Variants in DMD observed in about 807,000 individuals in gnomAD.
The protein encoded by DMD is dystrophin.
Under a neutral mutation model 330.1 loss-of-function variants are expected in DMD, and 63 were observed. The ratio of observed to expected loss-of-function variants is 0.19; its 90% CI spans 0.16 to 0.24. The LOEUF is 0.24. Among genes scored for constraint, DMD ranks in the 10% least tolerant of loss-of-function variants. The pLI is 1.00. For missense variants in DMD, 3,344 were observed against 2,684.1 expected, an observed-to-expected ratio of 1.25 and a Z score of -5.43; for synonymous variants, 1,223 against 959.8, an observed-to-expected ratio of 1.27 and a Z score of -5.07.
intron 44 of DMD, among the ~76,000 whole-genome samples, chrX:32,207,170 T>C (rs1476901690): frequency 9.0e-6 from 1 of 111,642 alleles, no homozygotes; most frequent in Non-Finnish European, 1.9e-5. Flanking sequence ...TCAATGTTTT[T>C]CCCTCCAAAA....
chrX:32,402,656 A>G (rs142475055), intron 30 of DMD, among the ~76,000 whole-genome samples: 1,930 of 111,801 alleles, frequency 0.017, 47 homozygotes, highest in African/African-American at 0.06. Context: ...TAATACATAA[A>G]GAGGCTAAAA....
At chrX:31,413,329 G>C (rs2061725479) in intron 60 of DMD, among the ~76,000 whole-genome samples, 1 of 112,127 alleles carries the variant, frequency 8.9e-6, no homozygotes, top group African/African-American at 3.2e-5. Flanking sequence ...GCCTATATTT[G>C]TACAAAAGAC....
intron 1 of DMD, among the ~76,000 whole-genome samples, chrX:33,280,535 G>A (rs1327021595): frequency 9.0e-6 from 1 of 111,259 alleles, no homozygotes; most frequent in Non-Finnish European, 1.9e-5. Flanking sequence ...TTATTAAAAA[G>A]GCTAACCCTC....
At chrX:31,236,845 A>G (rs954503277) in intron 63 of DMD, among the ~76,000 whole-genome samples, 2 of 112,157 alleles carry the variant, frequency 1.8e-5, no homozygotes, top group African/African-American at 6.5e-5. Context: ...TGTTATTTAA[A>G]AAAATAGTTT....
At chrX:32,154,340 CTT>C (rs1428051574) in intron 44 of DMD, among the ~76,000 whole-genome samples, 2 of 112,193 alleles carry the variant, frequency 1.8e-5, no homozygotes, top group Non-Finnish European at 3.8e-5. Context: ...CACTTAATAA[CTT>C]TTAAAAATAT....
chrX:32,559,640 A>C (rs1055342921), intron 16 of DMD, among the ~76,000 whole-genome samples: 1 of 111,990 alleles, frequency 8.9e-6, no homozygotes, highest in Non-Finnish European at 1.9e-5. Context: ...GGGTTAAAAT[A>C]GAGGATCTTT....
chrX:32,445,265 T>C (rs1365357313), intron 27 of DMD, among the ~76,000 whole-genome samples: 2 of 110,471 alleles, frequency 1.8e-5, no homozygotes, highest in Non-Finnish European at 3.8e-5. Flanking sequence ...GTGGTGATAA[T>C]ATATAGAAGA....
chrX:31,321,607 A>AAAAAAAAAAAAAAAAAAAAAAAGAAAG (rs1388525572), intron 62 of DMD, among the ~76,000 whole-genome samples: 13 of 89,269 alleles, frequency 1.5e-4, no homozygotes, highest in African/African-American at 5.9e-4. Flanking sequence ...AAAAAAAAAA[A>AAAAAAAAAAAAAAAAAAAAAAAGAAAG]AAAGAAAGAA....
In DMD at chrX:33,298,718, T is replaced by G. The variant is rs142662152; in HGVS notation, c.7+40541A>C. Among the ~76,000 whole-genome samples the G allele has an allele frequency of 9.6e-4, 107 of 111,981 alleles. 2 individuals carry two copies. In the East Asian group the frequency reaches 0.029, roughly 30 times the overall value. ...TCAGGAAGATAAAACAGCCAACATT[T>G]TGAGTGTTGTTGGTCTCAGGAAGAT... On this transcript the variant is annotated intron_variant, in intron 1 of 17. Coordinates refer to the DMD transcript ENST00000288447.
chrX:31,936,203 A>G (rs1208660539), intron 45 of DMD, among the ~76,000 whole-genome samples: 1 of 111,486 alleles, frequency 9.0e-6, no homozygotes, highest in Non-Finnish European at 1.9e-5. Context: ...TAACCCTACA[A>G]TAAACACATT....
At chrX:32,483,515 A>C (rs1351747601) in intron 21 of DMD, among the ~76,000 whole-genome samples, 1 of 109,309 alleles carries the variant, frequency 9.1e-6, no homozygotes, top group East Asian at 2.9e-4. Flanking sequence ...AATATGATTA[A>C]GAGGTATATA....
At chrX:32,388,218 T>A (rs977030011) in intron 32 of DMD, among the ~76,000 whole-genome samples, 1 of 110,925 alleles carries the variant, frequency 9.0e-6, no homozygotes, top group East Asian at 2.8e-4. Flanking sequence ...TGTTTTCAGC[T>A]CATATTTACT....
intron 66 of DMD, among the ~76,000 whole-genome samples, chrX:31,206,339 G>A (rs149888158): frequency 8.9e-6 from 1 of 112,361 alleles, no homozygotes; most frequent in African/African-American, 3.2e-5. Flanking sequence ...TTCAGACACA[G>A]TCAATGTAAT....
chrX:32,678,059 C>A (rs1291341381), intron 9 of DMD, among the ~76,000 whole-genome samples: 1 of 111,632 alleles, frequency 9.0e-6, no homozygotes, highest in East Asian at 2.8e-4. Flanking sequence ...TTGCCAAACT[C>A]AGAGAATCAG....
At chrX:33,095,243 C>T (rs1490694179) in intron 1 of DMD, among the ~76,000 whole-genome samples, 1 of 112,465 alleles carries the variant, frequency 8.9e-6, no homozygotes, top group Non-Finnish European at 1.9e-5. Context: ...TATATTTGCT[C>T]ATGCAACTGC....
chrX:32,518,257 G>A, intron 17 of DMD, 126 bp from the exon 18 acceptor site: 6 of 659,698 alleles, frequency 9.1e-6, no homozygotes, highest in East Asian at 3.6e-5. Flanking sequence ...ACCTCTATTA[G>A]TATTAATAGC....
chrX:31,688,819 G>A (rs1220698948), intron 52 of DMD, among the ~76,000 whole-genome samples: 4 of 111,402 alleles, frequency 3.6e-5, no homozygotes, highest in African/African-American at 3.3e-5. Flanking sequence ...TTCAACATAC[G>A]CAAATCAATA....
At chrX:31,272,387 T>C (rs1285833413) in intron 62 of DMD, among the ~76,000 whole-genome samples, 2 of 112,037 alleles carry the variant, frequency 1.8e-5, no homozygotes, top group African/African-American at 6.5e-5. Context: ...AATGGATCAC[T>C]GGTTAATGTG....
At chrX:32,635,944 C>T (rs7052182) in intron 11 of DMD, among the ~76,000 whole-genome samples, 13,289 of 111,194 alleles carry the variant, frequency 0.12, 1,996 homozygotes, top group African/African-American at 0.42. Context: ...GCTGTAGAAA[C>T]CCTACTGGCC....
Sources: gnomAD v4.1 joint callset for allele counts (sites outside exome capture counted in the v4.1 genomes callset) on GRCh38, gnomAD v4.1.1 for gene constraint, MANE v1.5 for transcripts, NCBI Gene and HGNC (gene_info 2026-07-23, HGNC 2026-07-21) for gene names.